Variants in CEP350 observed in about 807,000 individuals in gnomAD.
CEP350 encodes the protein centrosomal protein 350, also known as centrosome-associated protein 350.
A neutral mutation model predicts 331.8 loss-of-function variants in CEP350; 126 were observed. That is an observed-to-expected ratio of 0.38 (90% CI 0.33 to 0.44). The LOEUF is 0.44. Among genes scored for constraint, CEP350 ranks in the 20% least tolerant of loss-of-function variants. The pLI, the probability that CEP350 is intolerant of heterozygous loss-of-function variation, is 1.00. For synonymous variants in CEP350, 1,200 were observed against 1,259.5 expected (o/e 0.95, Z 1.00); for missense variants, 3,406 against 3,634.6 (o/e 0.94, Z 1.62).
chr1:179,969,182 T>G, intron 1 of CEP350: 5 of 580,872 alleles, frequency 8.6e-6, no homozygotes, highest in South Asian at 7.8e-5. Context: ...GGAAGTTCTG[T>G]GTGTGTGTGC....
chr1:180,076,848 ATAG>A (rs1374776314), intron 28 of CEP350, among the ~76,000 whole-genome samples: 2 of 152,172 alleles, frequency 1.3e-5, no homozygotes, highest in Admixed American at 6.5e-5. Context: ...ACCTCAGATC[ATAG>A]TAGCCATAGA....
At chr1:180,076,405 C>G (rs1659228690) in intron 28 of CEP350, among the ~76,000 whole-genome samples, 1 of 152,100 alleles carries the variant, frequency 6.6e-6, no homozygotes, top group African/African-American at 2.4e-5. Flanking sequence ...AGGATTAGCA[C>G]ACATTAAAAA....
Position 180,019,053 on chromosome 1 carries a change from C to T in CEP350, c.2175-896C>T, listed in dbSNP as rs186485995. On this transcript the variant is annotated intron_variant, in intron 11 of 37. Coordinates refer to ENST00000367607, the MANE Select transcript of CEP350 (RefSeq NM_014810.5). ...TGGTATTTGTAGTAGAGATGAGTTTCGCCATTTTGCCCAGGCTGATCTCAA... is the reference window on the plus strand; with the variant it reads ...TGGTATTTGTAGTAGAGATGAGTTTTGCCATTTTGCCCAGGCTGATCTCAA... Among the ~76,000 whole-genome samples the T allele has an allele frequency of 4.6e-5, 7 of 152,114 alleles. No individual in the cohort carries two copies. In the South Asian group the frequency reaches 6.2e-4, roughly 14 times the overall value.
At chr1:180,038,344 G>A (rs12184265) in intron 17 of CEP350, among the ~76,000 whole-genome samples, 12,656 of 152,088 alleles carry the variant, frequency 0.083, 688 homozygotes, top group Non-Finnish European at 0.12. Flanking sequence ...GAATATTCCT[G>A]CTATGAACAT....
chr1:179,992,605 C>CT (rs943632826), intron 5 of CEP350, among the ~76,000 whole-genome samples: 7 of 149,828 alleles, frequency 4.7e-5, no homozygotes, highest in Admixed American at 2.0e-4. Context: ...TACTTTTTTT[C>CT]TTTTTTTTTG....
chr1:179,993,169 G>A (rs1180021758), intron 5 of CEP350, among the ~76,000 whole-genome samples: 8 of 151,866 alleles, frequency 5.3e-5, no homozygotes, highest in East Asian at 1.9e-4. Flanking sequence ...CACTAGTATC[G>A]AAGCACTAGA....
chr1:180,114,662 CTG>C lies in CEP350; in HGVS notation c.*3506_*3507del, dbSNP rs1422660452. 1 of 152,592 alleles carries C rather than the reference CTG, an allele frequency of 6.6e-6. No homozygotes were observed. The highest frequency in any genetic ancestry group is 1.9e-4 in the East Asian group (1 of 5,188). The allele number at this position is 152,592 out of a possible 1,614,324, so 9.5% of individuals were successfully genotyped here. A position where few individuals can be genotyped will look rare whatever the true frequency, so the allele number is the denominator to read the frequency against. ...AGACATGAAAAAATAAACCCGTTTA[CTG>C]TGTGCGTGTAAATAGCCTGGTCATC... On this transcript the variant is annotated 3_prime_UTR_variant, in exon 38 of 38. Transcript: ENST00000367607.
At chr1:179,994,268 C>A (rs1558085481) in intron 5 of CEP350, among the ~76,000 whole-genome samples, 1 of 152,022 alleles carries the variant, frequency 6.6e-6, no homozygotes, top group African/African-American at 2.4e-5. Context: ...GGTACGTAAC[C>A]TAACATTTTA....
At chr1:180,105,328 T>G (rs907395238) in intron 37 of CEP350, among the ~76,000 whole-genome samples, 1 of 152,060 alleles carries the variant, frequency 6.6e-6, no homozygotes, top group Non-Finnish European at 1.5e-5. Flanking sequence ...TTTATTTGTC[T>G]ACACTCCTTC....
Position 180,034,061 on chromosome 1 carries a change from G to A in CEP350, c.3925G>A (p.Glu1309Lys). The change falls in exon 16 of 38, where the codon GAG becomes AAG. Residue 1309 changes from glutamate to lysine, a missense_variant. Physicochemically the swap from Glu to Lys is moderately conservative, Grantham distance 56. Coordinates refer to ENST00000367607, the MANE Select transcript of CEP350 (RefSeq NM_014810.5). ...CCCGGCAGCCAGCAGAACAACGACA[G>A]AGAACATGGCTCCAATACCAGGTAA... ...LNPAASRTTT[E>K]NMAPIPGSKR... 1 of 1,613,716 alleles carries A rather than the reference G, an allele frequency of 6.2e-7. No homozygotes were observed. Among genetic ancestry groups the A allele is most frequent in the South Asian group, 1.1e-5 (1 of 91,060 alleles).
intron 16 of CEP350, 107 bp from the exon 17 acceptor site, chr1:180,036,819 C>G: frequency 7.7e-7 from 1 of 1,291,462 alleles, no homozygotes; most frequent in Non-Finnish European, 1.0e-6. Context: ...CCAGTTTTTT[C>G]TACAAAGGAA....
At chr1:179,968,902 G>T (rs1327309445) in intron 1 of CEP350, 8 of 755,510 alleles carry the variant, frequency 1.1e-5, no homozygotes, top group Admixed American at 8.5e-5. Flanking sequence ...TGGCCAGAAG[G>T]CTGTGTTGAA....
intron 17 of CEP350, 40 bp from the exon 18 acceptor site, chr1:180,041,098 T>A (rs2148917340): frequency 6.9e-7 from 1 of 1,445,238 alleles, no homozygotes; most frequent in Middle Eastern, 1.7e-4. Context: ...GTTAAAATAG[T>A]TTCGTATCTG....
rs1039414777 is a variant in CEP350 at position 180,065,012 on chromosome 1, T to C, written c.5410-103T>C. 9 of 1,229,096 alleles carry C rather than the reference T, an allele frequency of 7.3e-6. No homozygotes were observed. The African/African-American group carries it at 1.4e-4, about 19-fold the overall frequency. 76.1% of individuals were successfully genotyped at this position (1,229,096 alleles called of 1,614,324 possible). On this transcript the variant is annotated intron_variant, in intron 26 of 37. Coordinates refer to ENST00000367607, the MANE Select transcript of CEP350 (RefSeq NM_014810.5). Reference sequence around the variant, plus strand: ...ATTATCTTATTTTCAACTATTGTTATAAACATTGTATTGTGGATAAACTTA... The same window carrying C: ...ATTATCTTATTTTCAACTATTGTTACAAACATTGTATTGTGGATAAACTTA...
chr1:180,026,153 C>A (rs977707197), intron 14 of CEP350, among the ~76,000 whole-genome samples: 2 of 152,002 alleles, frequency 1.3e-5, no homozygotes, highest in African/African-American at 4.8e-5. Context: ...TGCCTATAAT[C>A]CCAGCTACTC....
rs189501270 is a variant in CEP350, at chr1:179,961,261, C to T, written c.-14+6119C>T. ...AGGAGTTCAAGACCAACCTGGCCAA[C>T]GTGGTGAAACACCATCTCTACTAAA... On this transcript the variant is annotated intron_variant, in intron 1 of 37. Coordinates refer to ENST00000367607, the MANE Select transcript of CEP350 (RefSeq NM_014810.5). Among the ~76,000 whole-genome samples the T allele has an allele frequency of 5.0e-3, 757 of 152,118 alleles. 8 individuals carry two copies. Among genetic ancestry groups the T allele is most frequent in the African/African-American group, 0.017 (721 of 41,496 alleles).
chr1:180,058,980 AAAT>A (rs1306774144), intron 25 of CEP350, among the ~76,000 whole-genome samples: 1 of 152,204 alleles, frequency 6.6e-6, no homozygotes, highest in Non-Finnish European at 1.5e-5. Flanking sequence ...TAACACATAA[AAAT>A]AACCATTTTA....
At position 180,019,979 on chromosome 1, in the gene CEP350, G is replaced by A. The variant is rs1470628437; in HGVS notation, c.2205G>A (p.Gln735=). 5.6e-6 allele frequency: 9 copies of A among 1,611,082 alleles called. No homozygotes were observed. Among genetic ancestry groups the A allele is most frequent in the Non-Finnish European group, 7.6e-6 (9 of 1,178,620 alleles). ...ACTTGATGGAATCTACATGGATGCA[G>A]CCTGAAAGATTGAGCCCACAAGTTC... The part of the protein sequence containing the change: ...RKDLMESTWM[Q]PERLSPQVHH... The change falls in exon 12 of 38, where the codon CAG becomes CAA. Residue 735 remains glutamine, a synonymous_variant. Coordinates refer to ENST00000367607, the MANE Select transcript of CEP350 (RefSeq NM_014810.5).
At chr1:180,030,069 G>A (rs992247670) in intron 14 of CEP350, among the ~76,000 whole-genome samples, 6 of 151,730 alleles carry the variant, frequency 4.0e-5, no homozygotes, top group Non-Finnish European at 4.4e-5. Context: ...ATCAGTTCAC[G>A]GACATTTGGG....
Sources: allele counts gnomAD v4.1 joint callset (sites outside exome capture counted in the v4.1 genomes callset), GRCh38; gene constraint gnomAD v4.1.1; transcripts MANE v1.5; gene names NCBI Gene and HGNC (gene_info 2026-07-23, HGNC 2026-07-21).